UNKL: variants seen among roughly 807,000 people sequenced by gnomAD.
The protein encoded by UNKL is unk like zinc finger, also known as putative E3 ubiquitin-protein ligase UNKL.
Under a neutral mutation model 78.0 loss-of-function variants are expected in UNKL, and 60 were observed. That is an observed-to-expected ratio of 0.77 (90% CI 0.63 to 0.95). UNKL has a LOEUF of 0.95. Among genes scored for constraint, UNKL ranks in the 40% least tolerant of loss-of-function variants. The probability of loss-of-function intolerance (pLI) is 0.00; values close to 1 mark genes in which losing one functional copy is unlikely to be tolerated. For missense variants in UNKL, 1,159 were observed against 1,045.7 expected (o/e 1.11, Z -1.49); for synonymous variants, 608 against 474.8 (o/e 1.28, Z -3.65).
At chr16:1,379,653 G>C (rs2036510012) in intron 10 of UNKL, 3 of 984,536 alleles carry the variant, frequency 3.0e-6, no homozygotes, top group East Asian at 1.1e-4. Context: ...CACGGTCCGC[G>C]GCCGCCCCGC....
At chr16:1,370,980 G>T (rs1447083363) in intron 11 of UNKL, among the ~76,000 whole-genome samples, 1 of 151,928 alleles carries the variant, frequency 6.6e-6, no homozygotes, top group Non-Finnish European at 1.5e-5. Flanking sequence ...CTACTCCGGA[G>T]GCTGAGGCAG....
intron 10 of UNKL, among the ~76,000 whole-genome samples, chr16:1,382,652 G>A (rs2036644805): frequency 1.3e-5 from 2 of 152,210 alleles, no homozygotes; most frequent in Non-Finnish European, 2.9e-5. Context: ...CAGTATTTGT[G>A]AAAGAGACCC....
intron 2 of UNKL, among the ~76,000 whole-genome samples, chr16:1,406,992 C>A (rs2037793789): frequency 6.6e-6 from 1 of 151,556 alleles, no homozygotes; most frequent in South Asian, 2.1e-4. Context: ...TACACACATA[C>A]ACAAAAATTA....
At chr16:1,375,797 T>C (rs1053114027) in intron 10 of UNKL, among the ~76,000 whole-genome samples, 1 of 152,086 alleles carries the variant, frequency 6.6e-6, no homozygotes, top group African/African-American at 2.4e-5. Context: ...CCAGAGCCAT[T>C]CACTCCTCTC....
At chr16:1,398,697 CTCAGGTGCAAACTGCAGACAGGAGGCAAG>C in intron 5 of UNKL, 2 of 1,309,122 alleles carry the variant, frequency 1.5e-6, no homozygotes, top group Non-Finnish European at 2.0e-6. Context: ...CCACCCCCCT[CTCAGGTGCAAACTGCAGACAGGAGGCAAG>C]CCAGGCCAGG....
chr16:1,387,793 C>T lies in UNKL; in HGVS notation c.1087-2408G>A, dbSNP rs560876129. On this transcript the variant is annotated intron_variant, in intron 9 of 14. Transcript: ENST00000389221. The surrounding 1 kb of genome is among the most constrained non-coding windows in gnomAD (Gnocchi z 4.1). ...CGCACGGCTGCCCGGCCTGCGGAAGCCCTCCCCCACCCCCGCCTCATCCCA... is the reference window on the plus strand; with the variant it reads ...CGCACGGCTGCCCGGCCTGCGGAAGTCCTCCCCCACCCCCGCCTCATCCCA... 3.3e-5 allele frequency among the ~76,000 whole-genome samples: 5 copies of T among 151,758 alleles called. No homozygotes were observed. The South Asian group carries it at 1.0e-3, about 32-fold the overall frequency.
At chr16:1,406,636 G>A (rs911735029) in intron 2 of UNKL, among the ~76,000 whole-genome samples, 10 of 152,160 alleles carry the variant, frequency 6.6e-5, no homozygotes, top group South Asian at 2.1e-4. Context: ...CACTGCACCC[G>A]GATGCCTCTG....
Position 1,387,120 on chromosome 16 carries a change from G to A in UNKL, c.1087-1735C>T, listed in dbSNP as rs916900511. On this transcript the variant is annotated intron_variant, in intron 9 of 14. Coordinates refer to ENST00000389221, the MANE Select transcript of UNKL (RefSeq NM_001372107.1). The surrounding 1 kb of genome is among the most constrained non-coding windows in gnomAD (Gnocchi z 4.1). Reference sequence around the variant, plus strand: ...GGGACCCTCCCAGCAATGCAGCACCGGGGACCCTCCCAGCCATGCAGCACC... The same window carrying A: ...GGGACCCTCCCAGCAATGCAGCACCAGGGACCCTCCCAGCCATGCAGCACC... Among the ~76,000 whole-genome samples the A allele has an allele frequency of 1.3e-5, 2 of 151,632 alleles. No individual in the cohort carries two copies. The highest frequency in any genetic ancestry group is 4.8e-5 in the African/African-American group (2 of 41,262).
At chr16:1,389,056 C>A (rs2036936735) in intron 9 of UNKL, among the ~76,000 whole-genome samples, 1 of 151,938 alleles carries the variant, frequency 6.6e-6, no homozygotes, top group African/African-American at 2.4e-5. Flanking sequence ...TTGCCCCCTC[C>A]CCCGGCCCCG....
At chr16:1,397,516 CA>C (rs2037330260) in intron 5 of UNKL, among the ~76,000 whole-genome samples, 3 of 57,152 alleles carry the variant, frequency 5.2e-5, no homozygotes, top group African/African-American at 1.4e-4. Flanking sequence ...TTGGCTCCCC[CA>C]CCCCGACCCC....
Position 1,372,196 on chromosome 16 carries a change from G to A in UNKL, c.1265-585C>T, listed in dbSNP as rs183389467. On this transcript the variant is annotated intron_variant, in intron 10 of 14. Coordinates refer to ENST00000389221, the MANE Select transcript of UNKL (RefSeq NM_001372107.1). ...GAAGAATGGTGTGAACCCCAGAGGC[G>A]GAGCTTGCAGTGAGCCGAGATCGTG... Among the ~76,000 whole-genome samples the A allele has an allele frequency of 1.9e-3, 292 of 152,216 alleles. 5 individuals are homozygous for A. Among genetic ancestry groups the A allele is most frequent in the Non-Finnish European group, 4.0e-4 (27 of 68,014 alleles).
At chr16:1,388,291 G>C (rs2036902217) in intron 9 of UNKL, among the ~76,000 whole-genome samples, 1 of 152,138 alleles carries the variant, frequency 6.6e-6, no homozygotes, top group Non-Finnish European at 1.5e-5. Context: ...CTGATCTGAG[G>C]GCTGGGCACG....
At chr16:1,388,524 G>A (rs2036911888) in intron 9 of UNKL, among the ~76,000 whole-genome samples, 1 of 152,154 alleles carries the variant, frequency 6.6e-6, no homozygotes, top group Non-Finnish European at 1.5e-5. Context: ...TGCTGACCCT[G>A]CCCGGGAGCT....
intron 14 of UNKL, among the ~76,000 whole-genome samples, 163 bp downstream of exon 14, chr16:1,366,927 CAG>C (rs1383527769): frequency 6.5e-5 from 4 of 61,122 alleles, no homozygotes; most frequent in Admixed American, 1.9e-4. Flanking sequence ...AAGGAGGCCA[CAG>C]GGGGCTGTGC....
Position 1,403,085 on chromosome 16 carries a change from G to A in UNKL, c.464+83C>T, listed in dbSNP as rs533449097. The A allele has an allele frequency of 2.3e-5, 33 of 1,459,848 alleles. No homozygotes were observed. The highest frequency in any genetic ancestry group is 2.6e-5 in the Non-Finnish European group (29 of 1,095,832). The allele number at this position is 1,459,848 out of a possible 1,614,324, so 90.4% of individuals were successfully genotyped here. A position where few individuals can be genotyped will look rare whatever the true frequency, so the allele number is the denominator to read the frequency against. On this transcript the variant is annotated intron_variant, in intron 3 of 14. Coordinates refer to ENST00000389221, the MANE Select transcript of UNKL (RefSeq NM_001372107.1). The surrounding 1 kb of genome is among the most constrained non-coding windows in gnomAD (Gnocchi z 4.8). ...GCAGAGCCTGCAGCAGCAGGGAGGCGAGCCACTTGCCGAGTTCCTGCTCAT... is the reference window on the plus strand; with the variant it reads ...GCAGAGCCTGCAGCAGCAGGGAGGCAAGCCACTTGCCGAGTTCCTGCTCAT...
At chr16:1,382,957 C>CA (rs982087112) in intron 10 of UNKL, among the ~76,000 whole-genome samples, 2 of 141,592 alleles carry the variant, frequency 1.4e-5, no homozygotes, top group South Asian at 2.2e-4. Flanking sequence ...GACTCTGTCT[C>CA]AAAAAAAACA....
At position 1,371,251 on chromosome 16, in the gene UNKL, G is replaced by A. The variant is rs1047385779; in HGVS notation, c.1357+268C>T. The stretch of plus-strand genomic sequence containing the variant: ...GTCAACTGAAGAAGTGGGCAGGCCC[G>A]AGGCAGGAGAGATGCTGAGGAGTCC... On this transcript the variant is annotated intron_variant, in intron 11 of 14. Transcript: ENST00000389221. 2.1e-4 allele frequency among the ~76,000 whole-genome samples: 32 copies of A among 152,202 alleles called. 1 individual carries two copies. The highest frequency in any genetic ancestry group is 1.8e-3 in the Admixed American group (27 of 15,284).
In UNKL at chr16:1,372,855, CTG is replaced by C. The variant is rs1188070270; in HGVS notation, c.1265-1246_1265-1245del. ...ACCGCACAGGGACTGCCGGCCTACA[CTG>C]CACAGAGACCTCAGCAGCGTGGAGC... On this transcript the variant is annotated intron_variant, in intron 10 of 14. Coordinates refer to ENST00000389221, the MANE Select transcript of UNKL (RefSeq NM_001372107.1). Among the ~76,000 whole-genome samples the C allele has an allele frequency of 7.0e-5, 10 of 142,704 alleles. 1 individual carries two copies. Among genetic ancestry groups the C allele is most frequent in the Non-Finnish European group, 1.6e-5 (1 of 64,108 alleles). 93.6% of individuals were successfully genotyped at this position (142,704 alleles called of 152,430 possible). A position where few individuals can be genotyped will look rare whatever the true frequency, so the allele number is the denominator to read the frequency against.
At chr16:1,379,302 TCTCCTGCCCC>T (rs1315165515) in intron 10 of UNKL, 1 of 191,676 alleles carries the variant, frequency 5.2e-6, no homozygotes, top group African/African-American at 2.4e-5. Context: ...TCCCCTGCCC[TCTCCTGCCCC>T]GCTCCGCTCC....
Sources: gnomAD v4.1 joint callset for allele counts (sites outside exome capture counted in the v4.1 genomes callset) on GRCh38, gnomAD v4.1.1 for gene constraint, Gnocchi (gnomAD v3.1) non-coding constraint, MANE v1.5 for transcripts, NCBI Gene and HGNC (gene_info 2026-07-23, HGNC 2026-07-21) for gene names.